Variants in LYPLA1 observed in about 807,000 individuals in gnomAD.
LYPLA1 encodes the protein acyl-protein thioesterase 1.
In LYPLA1, 17 loss-of-function variants were observed where a neutral mutation model predicts 34.0. That is an observed-to-expected ratio of 0.50 (90% CI 0.34 to 0.75). The LOEUF is 0.75. Ranked by LOEUF, LYPLA1 falls within the 30% of genes least tolerant of loss-of-function variation. The pLI is 0.01. For missense variants in LYPLA1, 203 were observed against 288.8 expected (o/e 0.70, Z 2.15); for synonymous variants, 98 against 100.8 (o/e 0.97, Z 0.17).
At chr8:54,085,955 C>A (rs1056564328) in intron 2 of LYPLA1, among the ~76,000 whole-genome samples, 1 of 152,092 alleles carries the variant, frequency 6.6e-6, no homozygotes, top group African/African-American at 2.4e-5. Context: ...TCATTGAGAA[C>A]GGGCCATGAT....
intron 2 of LYPLA1, among the ~76,000 whole-genome samples, chr8:54,075,436 C>G (rs1286540399): frequency 6.6e-6 from 1 of 152,054 alleles, no homozygotes; most frequent in Non-Finnish European, 1.5e-5. Context: ...CGAGGGCCCC[C>G]TGATTGCAGC....
At chr8:54,050,386 T>A (rs1016074849) in intron 8 of LYPLA1, among the ~76,000 whole-genome samples, 26 of 152,176 alleles carry the variant, frequency 1.7e-4, no homozygotes, top group African/African-American at 6.3e-4. Context: ...TCAGATCACA[T>A]CTCACTTCAA....
chr8:54,044,640 T>A (rs1021363957), downstream of LYPLA1, among the ~76,000 whole-genome samples: 1 of 151,840 alleles, frequency 6.6e-6, no homozygotes, highest in African/African-American at 2.4e-5. Flanking sequence ...TGCACTGCCC[T>A]TAAAAGGGTC....
intron 6 of LYPLA1, among the ~76,000 whole-genome samples, chr8:54,054,128 G>A (rs867656027): frequency 2.0e-5 from 3 of 152,018 alleles, no homozygotes; most frequent in African/African-American, 4.8e-5. Flanking sequence ...TTACAGAGGC[G>A]TGCACCACTA....
At chr8:54,086,491 A>C (rs529791049) in intron 2 of LYPLA1, among the ~76,000 whole-genome samples, 1 of 130,648 alleles carries the variant, frequency 7.7e-6, no homozygotes, top group African/African-American at 3.8e-5. Flanking sequence ...CCCCCCGCCC[A>C]AAAAAAGGAA....
intron 7 of LYPLA1, 25 bp from the exon 8 acceptor site, chr8:54,051,213 G>C: frequency 1.9e-6 from 3 of 1,565,366 alleles, no homozygotes; most frequent in Non-Finnish European, 2.6e-6. Flanking sequence ...AGAAGAAATA[G>C]TTTTATTTTT....
At chr8:54,080,350 C>T (rs1225390760) in intron 2 of LYPLA1, among the ~76,000 whole-genome samples, 2 of 152,158 alleles carry the variant, frequency 1.3e-5, no homozygotes, top group African/African-American at 4.8e-5. Flanking sequence ...AAGCAAGACT[C>T]TGTCTCAAAA....
downstream of LYPLA1, chr8:54,043,304 T>C (rs1805418542): frequency 1.3e-5 from 2 of 152,218 alleles, no homozygotes; most frequent in Non-Finnish European, 2.9e-5. Flanking sequence ...TGAGACGGAG[T>C]CTCGCTCCGT....
In LYPLA1 at chr8:54,048,050, G is replaced by A. The variant is rs562054386; in HGVS notation, c.*15C>T. The A allele has an allele frequency of 1.2e-5, 19 of 1,569,036 alleles. No individual in the cohort carries two copies. In the African/African-American group the frequency reaches 2.0e-4, roughly 17 times the overall value. Reference sequence around the variant, plus strand: ...ATGATGCTGGTGTACTTCTACACAAGGCCTCTTAGTGACGTCAATCAATTG... The same window carrying A: ...ATGATGCTGGTGTACTTCTACACAAAGCCTCTTAGTGACGTCAATCAATTG... On this transcript the variant is annotated 3_prime_UTR_variant, in exon 9 of 9. Coordinates refer to ENST00000316963, the MANE Select transcript of LYPLA1 (RefSeq NM_006330.4).
rs533271588 is a variant in LYPLA1, at chr8:54,067,850, AT to A, written c.102-2038del. Among the ~76,000 whole-genome samples, 19 of 148,432 alleles carry A rather than the reference AT, an allele frequency of 1.3e-4. No homozygotes were observed. In the East Asian group the frequency reaches 2.6e-3, roughly 20 times the overall value. ...AGGCGCCCGCCACCACACCAGCTAA[AT>A]TTTTTTTTTGTATTTTTAGTAGAGA... is the stretch of plus-strand genomic sequence containing the variant. On this transcript the variant is annotated intron_variant, in intron 2 of 8. Coordinates refer to ENST00000316963, the MANE Select transcript of LYPLA1 (RefSeq NM_006330.4).
chr8:54,099,870 GATGGGGTTTCACC>G (rs886803119), intron 2 of LYPLA1, among the ~76,000 whole-genome samples: 2 of 152,002 alleles, frequency 1.3e-5, no homozygotes, highest in Non-Finnish European at 2.9e-5. Flanking sequence ...TTTTAGTAGA[GATGGGGTTTCACC>G]ATATTGGCCA....
downstream of LYPLA1, chr8:54,042,999 T>A (rs930248776): frequency 6.6e-6 from 1 of 152,262 alleles, no homozygotes; most frequent in African/African-American, 2.4e-5. Flanking sequence ...GAGTAAATGT[T>A]CATGGTTTAT....
intron 2 of LYPLA1, among the ~76,000 whole-genome samples, chr8:54,069,108 T>C (rs899454245): frequency 6.6e-6 from 1 of 152,196 alleles, no homozygotes; most frequent in South Asian, 2.1e-4. Context: ...AAAGCCCCAA[T>C]GATACATCAC....
chr8:54,069,714 A>T (rs992529934), intron 2 of LYPLA1, among the ~76,000 whole-genome samples: 14 of 141,128 alleles, frequency 9.9e-5, no homozygotes, highest in African/African-American at 2.8e-4. Flanking sequence ...TGTCTCGTTT[A>T]AAAAAAAAAA....
intron 2 of LYPLA1, among the ~76,000 whole-genome samples, chr8:54,072,506 C>G (rs1436689340): frequency 2.6e-5 from 4 of 152,066 alleles, no homozygotes; most frequent in African/African-American, 9.7e-5. Context: ...GTCTAATATC[C>G]AGAATCTATA....
At chr8:54,059,847 G>C (rs1374455451) in intron 5 of LYPLA1, among the ~76,000 whole-genome samples, 1 of 152,172 alleles carries the variant, frequency 6.6e-6, no homozygotes, top group Non-Finnish European at 1.5e-5. Flanking sequence ...CTGGAGACCA[G>C]GAATTTGAGG....
At chr8:54,076,568 C>T (rs140833251) in intron 2 of LYPLA1, among the ~76,000 whole-genome samples, 1 of 152,162 alleles carries the variant, frequency 6.6e-6, no homozygotes, top group South Asian at 2.1e-4. Context: ...CCAAAACTGG[C>T]TATAAACAAA....
At chr8:54,064,855 T>C (rs1806932368) in intron 3 of LYPLA1, among the ~76,000 whole-genome samples, 1 of 151,992 alleles carries the variant, frequency 6.6e-6, no homozygotes, top group South Asian at 2.1e-4. Flanking sequence ...AATAAAATAA[T>C]ATTTAAAAAT....
intron 2 of LYPLA1, among the ~76,000 whole-genome samples, chr8:54,094,959 A>G (rs1281957637): frequency 1.3e-5 from 2 of 152,202 alleles, no homozygotes; most frequent in East Asian, 1.9e-4. Context: ...GAGTATCTAC[A>G]TAAGTAATAA....
Sources: gnomAD v4.1 joint callset for allele counts (sites outside exome capture counted in the v4.1 genomes callset) on GRCh38, gnomAD v4.1.1 for gene constraint, MANE v1.5 for transcripts, NCBI Gene and HGNC (gene_info 2026-07-23, HGNC 2026-07-21) for gene names.